LRRC7: variants seen among roughly 807,000 people sequenced by gnomAD.
The protein encoded by LRRC7 is leucine-rich repeat-containing protein 7.
Under a neutral mutation model 175.7 loss-of-function variants are expected in LRRC7, and 23 were observed. The ratio of observed to expected loss-of-function variants is 0.13; its 90% confidence interval spans 0.09 to 0.19. The LOEUF (loss-of-function observed/expected upper bound fraction) is 0.19, where lower values mean the gene tolerates loss of function less well. Among genes scored for constraint, LRRC7 ranks in the 10% least tolerant of loss-of-function variants. The pLI is 1.00. For synonymous variants in LRRC7, 685 were observed against 680.9 expected, an observed-to-expected ratio of 1.01 and a Z score of -0.09; for missense variants, 1,354 against 1,904.7, an observed-to-expected ratio of 0.71 and a Z score of 5.38.
chr1:69,628,623 G>A (rs1352082808), intron 1 of LRRC7, among the ~76,000 whole-genome samples: 1 of 152,096 alleles, frequency 6.6e-6, no homozygotes, highest in Admixed American at 6.5e-5. Context: ...TCAACAAAGT[G>A]TTTTTGAAGT....
chr1:69,749,838 C>T (rs1190121796), intron 2 of LRRC7, among the ~76,000 whole-genome samples: 10 of 151,582 alleles, frequency 6.6e-5, no homozygotes, highest in Admixed American at 3.3e-4. Context: ...CTGAGGTGGG[C>T]GGATCACGAG....
intron 25 of LRRC7, among the ~76,000 whole-genome samples, chr1:70,099,018 C>T (rs1452934445): frequency 6.6e-6 from 1 of 151,812 alleles, no homozygotes; most frequent in African/African-American, 2.4e-5. Flanking sequence ...GACACAACCA[C>T]AAAAGAGAAT....
chr1:69,830,754 G>A (rs1455000531), intron 5 of LRRC7, among the ~76,000 whole-genome samples: 1 of 151,856 alleles, frequency 6.6e-6, no homozygotes, highest in African/African-American at 2.4e-5. Flanking sequence ...CGTTAAATAA[G>A]ACATACTATG....
intron 1 of LRRC7, among the ~76,000 whole-genome samples, chr1:69,652,608 T>C (rs1345867995): frequency 2.0e-5 from 3 of 152,068 alleles, no homozygotes; most frequent in African/African-American, 7.2e-5. Flanking sequence ...TAAAGTGAAT[T>C]GTGTAATTGT....
intron 1 of LRRC7, among the ~76,000 whole-genome samples, chr1:69,586,382 G>C (rs1167919812): frequency 2.0e-5 from 3 of 152,046 alleles, no homozygotes; most frequent in Non-Finnish European, 4.4e-5. Flanking sequence ...ATTTTGGCAG[G>C]GGGTGGGGCA....
chr1:69,740,038 G>A (rs1668535310), intron 2 of LRRC7, among the ~76,000 whole-genome samples: 2 of 151,996 alleles, frequency 1.3e-5, no homozygotes, highest in South Asian at 4.1e-4. Flanking sequence ...GAGGAAATAG[G>A]CAATGAGAGG....
intron 4 of LRRC7, among the ~76,000 whole-genome samples, chr1:69,822,935 T>C (rs1481781164): frequency 6.6e-6 from 1 of 152,214 alleles, no homozygotes; most frequent in Non-Finnish European, 1.5e-5. Context: ...ACTGAAAATA[T>C]CTTTATTCCA....
chr1:70,110,820 G>A (rs1449707290), intron 26 of LRRC7, among the ~76,000 whole-genome samples: 7 of 152,122 alleles, frequency 4.6e-5, no homozygotes, highest in Admixed American at 3.3e-4. Context: ...TGAAAGAAAC[G>A]AGAATGGCTA....
intron 7 of LRRC7, among the ~76,000 whole-genome samples, chr1:69,868,902 T>C (rs1685214929): frequency 7.7e-6 from 1 of 129,414 alleles, no homozygotes; most frequent in South Asian, 2.5e-4. Context: ...TATATATGTA[T>C]GTATATATGT....
At chr1:69,625,959 C>T (rs1651452133) in intron 1 of LRRC7, among the ~76,000 whole-genome samples, 4 of 152,076 alleles carry the variant, frequency 2.6e-5, no homozygotes, top group South Asian at 2.1e-4. Flanking sequence ...TTTTAAAAAT[C>T]GTATTGTTCA....
At chr1:70,061,854 C>T (rs1008600282) in intron 23 of LRRC7, among the ~76,000 whole-genome samples, 6 of 152,088 alleles carry the variant, frequency 3.9e-5, no homozygotes, top group East Asian at 1.9e-4. Flanking sequence ...ATTTGTGTGA[C>T]TAATAAGTAC....
intron 8 of LRRC7, among the ~76,000 whole-genome samples, chr1:69,938,290 A>G (rs1648261116): frequency 6.6e-6 from 1 of 152,076 alleles, no homozygotes; most frequent in Admixed American, 6.6e-5. Context: ...ATATTAGAAG[A>G]CTTGTATTCT....
intron 7 of LRRC7, among the ~76,000 whole-genome samples, chr1:69,924,217 A>C (rs1646983951): frequency 6.6e-6 from 1 of 152,064 alleles, no homozygotes; most frequent in Non-Finnish European, 1.5e-5. Flanking sequence ...CTTGTAGTAT[A>C]GTTTGAAGTC....
intron 2 of LRRC7, among the ~76,000 whole-genome samples, chr1:69,710,130 T>A (rs1295149316): frequency 5.3e-5 from 8 of 151,350 alleles, no homozygotes; most frequent in Admixed American, 5.3e-4. Context: ...ACAAAAAAAT[T>A]AGCCAGGTGT....
chr1:69,934,507 G>A (rs900181998), intron 8 of LRRC7, among the ~76,000 whole-genome samples: 1 of 98,160 alleles, frequency 1.0e-5, no homozygotes, highest in South Asian at 4.1e-4. Context: ...GGGGGGGGCG[G>A]GGGGTGGGGG....
chr1:69,587,855 T>C (rs1646466770), intron 1 of LRRC7, among the ~76,000 whole-genome samples: 1 of 152,156 alleles, frequency 6.6e-6, no homozygotes, highest in African/African-American at 2.4e-5. Flanking sequence ...TCCTGAGGCC[T>C]CCCAGCCATG....
At chr1:70,023,448 T>A in intron 17 of LRRC7, 74 bp downstream of exon 17, 1 of 1,357,466 alleles carries the variant, frequency 7.4e-7, no homozygotes, top group Non-Finnish European at 9.7e-7. Flanking sequence ...ATGGGGTATG[T>A]TCTGCATGAT....
At chr1:70,109,755 T>G (rs1665394800) in intron 26 of LRRC7, among the ~76,000 whole-genome samples, 1 of 152,202 alleles carries the variant, frequency 6.6e-6, no homozygotes, top group African/African-American at 2.4e-5. Flanking sequence ...GAAAAACAGC[T>G]GAGAATAAAC....
At chr1:69,976,866 G>GATACTTCTAAGTTGTATCTCCAGCTA (rs879614945) in intron 8 of LRRC7, among the ~76,000 whole-genome samples, 5,705 of 150,858 alleles carry the variant, frequency 0.038, 162 homozygotes, top group South Asian at 0.086. Context: ...CTACTTCCGT[G>GATACTTCTAAGTTGTATCTCCAGCTA]ATACTTCTAA....
Sources: gnomAD v4.1 joint callset for allele counts (sites outside exome capture counted in the v4.1 genomes callset) on GRCh38, gnomAD v4.1.1 for gene constraint, MANE v1.5 for transcripts, NCBI Gene and HGNC (gene_info 2026-07-23, HGNC 2026-07-21) for gene names.